The following PLXNA3 variants were observed in gnomAD, a reference collection of about 807,000 sequenced individuals.
The protein encoded by PLXNA3 is plexin A3.
In PLXNA3, 52 loss-of-function variants were observed where a neutral mutation model predicts 118.8. The ratio of observed to expected loss-of-function variants is 0.44; its 90% CI spans 0.35 to 0.55. The LOEUF is 0.55. Ranked by LOEUF, PLXNA3 falls within the 20% of genes least tolerant of loss-of-function variation. The pLI is 0.01. For synonymous variants in PLXNA3, 925 were observed against 762.4 expected (o/e 1.21, Z -3.51); for missense variants, 1,660 against 1,730.8 (o/e 0.96, Z 0.73).
chrX:154,469,819 C>G (rs370041119), intron 28 of PLXNA3, 35 bp downstream of exon 28: 1 of 1,151,658 alleles, frequency 8.7e-7, no homozygotes, highest in South Asian at 1.8e-5. Context: ...ATGTGCCCTT[C>G]GAGGGAACCC....
chrX:154,460,569 T>C lies in PLXNA3; in HGVS notation c.386T>C (p.Phe129Ser), dbSNP rs2068930839. The C allele has an allele frequency of 8.3e-7, 1 of 1,207,043 alleles. No homozygotes were observed. Among genetic ancestry groups the C allele is most frequent in the African/African-American group, 1.7e-5 (1 of 57,422 alleles). The change falls in exon 2 of 33, where the codon TTC becomes TCC. Residue 129 changes from phenylalanine to serine, a missense_variant. Phe to Ser is a radical substitution (Grantham distance 155). Around this residue, in one of 2 missense-constraint regions of PLXNA3, gnomAD observed 791 missense variants for 652.1 expected, o/e 1.21. Coordinates refer to ENST00000369682, the MANE Select transcript of PLXNA3 (RefSeq NM_017514.5). ...ICQFLRLDDLFKLGEPHHRKE... is the reference protein window; with the variant it reads ...ICQFLRLDDLSKLGEPHHRKE... ...CAGTTCCTGCGTCTGGACGACCTCT[T>C]CAAGCTGGGTGAGCCGCACCACCGC...
rs782462351 is a variant in PLXNA3 at position 154,463,698 on chromosome X, C to T, written c.1547+8C>T. 10 of 1,174,621 alleles carry T rather than the reference C, an allele frequency of 8.5e-6. No individual in the cohort carries two copies. The highest frequency in any genetic ancestry group is 1.8e-5 in the South Asian group (1 of 54,399). On this transcript the variant is annotated splice_region_variant and intron_variant, in intron 6 of 32. Coordinates refer to ENST00000369682, the MANE Select transcript of PLXNA3 (RefSeq NM_017514.5). ...GTGTGTGCTGCGACACAGGTGAGGGCGGGGACCCCTGCTCGGGGAGTTGGA... is the reference window on the plus strand; with the variant it reads ...GTGTGTGCTGCGACACAGGTGAGGGTGGGGACCCCTGCTCGGGGAGTTGGA...
rs2068937632 is a variant in PLXNA3, at chrX:154,460,794, TCTC to T, written c.594+18_594+20del. 1 of 1,054,043 alleles carries T rather than the reference TCTC, an allele frequency of 9.5e-7. No individual in the cohort carries two copies. Among genetic ancestry groups the T allele is most frequent in the Non-Finnish European group, 1.3e-6 (1 of 797,535 alleles). The allele number at this position is 1,054,043 out of a possible 1,213,427, so 86.9% of individuals were successfully genotyped here. ...TTCAGTCTCGTGCGTGAGCCTTCCT[TCTC>T]TTCTTCCTCCACCCAGTCCTGGCTC... On this transcript the variant is annotated intron_variant, in intron 2 of 32. Coordinates refer to ENST00000369682, the MANE Select transcript of PLXNA3 (RefSeq NM_017514.5).
chrX:154,462,030 G>T, intron 3 of PLXNA3, 98 bp from the exon 4 acceptor site: 1 of 736,630 alleles, frequency 1.4e-6, no homozygotes, highest in Non-Finnish European at 2.0e-6. Flanking sequence ...AGGGGACCGG[G>T]TTCTAGATCC....
chrX:154,466,594 C>A (rs782757513), intron 16 of PLXNA3, 29 bp from the exon 17 acceptor site: 2 of 1,194,171 alleles, frequency 1.7e-6, no homozygotes, highest in East Asian at 6.0e-5. Context: ...CTGGGCCACC[C>A]GCTCCAAGCA....
rs782615858 is a variant in PLXNA3, at chrX:154,464,309, G to A, written c.1824G>A (p.Gly608=). The change falls in exon 8 of 33, where the codon GGG becomes GGA. Residue 608 remains glycine (G), a synonymous_variant. Transcript: ENST00000369682. ...AGGAGCTCCGAGCTCTTACCAGGGG[G>A]CATGGTCAGTGGGTTGGGGCTGCCC... ...SLQELRALTR[G]HGATRTVRLQ... 5.8e-6 allele frequency: 7 copies of A among 1,207,176 alleles called. No individual in the cohort carries two copies. The highest frequency in any genetic ancestry group is 6.7e-6 in the Non-Finnish European group (6 of 894,232).
In PLXNA3 at chrX:154,471,541, C is replaced by T. The variant is rs1349241842; in HGVS notation, c.5423C>T (p.Ala1808Val). 1.4e-5 allele frequency: 17 copies of T among 1,207,605 alleles called. No homozygotes were observed. The highest frequency in any genetic ancestry group is 3.5e-5 in the South Asian group (2 of 56,802). ...TCCATCAGCGACCAGGACATGGATG[C>T]CTACCTGGTGGAGCAGTCCCGCCTC... Reference protein sequence around the residue: ...MASISDQDMDAYLVEQSRLHA... With the variant: ...MASISDQDMDVYLVEQSRLHA... Residue 1808 changes from alanine to valine, a missense_variant, in exon 32 of 33, where the codon GCC becomes GTC. Around this residue, in one of 2 missense-constraint regions of PLXNA3, gnomAD observed 869 missense variants for 1,078.7 expected, o/e 0.81. Coordinates refer to ENST00000369682, the MANE Select transcript of PLXNA3 (RefSeq NM_017514.5).
chrX:154,460,800 C>T, intron 2 of PLXNA3, 23 bp downstream of exon 2: 3 of 1,028,150 alleles, frequency 2.9e-6, no homozygotes, highest in East Asian at 3.1e-5. Context: ...TCCTTCTCTT[C>T]TTCCTCCACC....
intron 7 of PLXNA3, 28 bp from the exon 8 acceptor site, chrX:154,464,129 C>T: frequency 8.3e-7 from 1 of 1,208,208 alleles, no homozygotes; most frequent in Non-Finnish European, 1.1e-6. Flanking sequence ...GGGAGTCCGC[C>T]CTGCCCTGAG....
Position 154,472,867 on chromosome X carries a change from C to T in PLXNA3, c.*182C>T. 2.4e-6 allele frequency: 1 copy of T among 413,144 alleles called. No homozygotes were observed. Among genetic ancestry groups the T allele is most frequent in the Non-Finnish European group, 4.3e-6 (1 of 229,966 alleles). The allele number at this position is 413,144 out of a possible 1,213,427, so 34.0% of individuals were successfully genotyped here. A position where few individuals can be genotyped will look rare whatever the true frequency, so the allele number is the denominator to read the frequency against. ...CCTTCATTAGTGCCTTGCTTTGGGC[C>T]CTGCAGGGGGAGGGGTGACAGGGCG... is the stretch of plus-strand genomic sequence containing the variant. On this transcript the variant is annotated 3_prime_UTR_variant, in exon 33 of 33. Transcript: ENST00000369682.
chrX:154,460,051 C>T, intron 1 of PLXNA3, 106 bp from the exon 2 acceptor site: 1 of 471,175 alleles, frequency 2.1e-6, no homozygotes, highest in South Asian at 3.1e-5. Flanking sequence ...GGCCCCTCCT[C>T]TCTCCCTGTC....
chrX:154,471,744 C>T (rs1273865974), intron 32 of PLXNA3, 106 bp downstream of exon 32: 2 of 748,505 alleles, frequency 2.7e-6, no homozygotes, highest in South Asian at 2.8e-5. Context: ...GGTCTCTCCC[C>T]TGACCAGGGC....
In PLXNA3 at chrX:154,461,277, T is replaced by A; in HGVS notation, c.773T>A (p.Phe258Tyr). 2.5e-6 allele frequency: 3 copies of A among 1,212,475 alleles called. No homozygotes were observed. The highest frequency in any genetic ancestry group is 1.7e-5 in the African/African-American group (1 of 58,115). The change falls in exon 3 of 33, where the codon TTC becomes TAC. Residue 258 changes from phenylalanine to tyrosine, a missense_variant. Phe to Tyr is a conservative substitution (Grantham distance 22). Transcript: ENST00000369682. ...TTGGACACAGCGGGCGAGAAATTTTTCACGTCCAAGATCGTGCGCATGTGC... is the reference window on the plus strand; with the variant it reads ...TTGGACACAGCGGGCGAGAAATTTTACACGTCCAAGATCGTGCGCATGTGC... ...TLLDTAGEKFFTSKIVRMCAG... is the reference protein window; with the variant it reads ...TLLDTAGEKFYTSKIVRMCAG...
Position 154,460,486 on chromosome X carries a change from C to T in PLXNA3, c.303C>T (p.Leu101=). Residue 101 remains leucine (L), a synonymous_variant, in exon 2 of 33, where the codon CTC becomes CTT. Transcript: ENST00000369682. ...TGGACAACATCAACAAGCTGCTGCT[C>T]ATAGACTATGCGGCCCGCCGCCTGG... The part of the protein sequence containing the change: ...APVDNINKLL[L]IDYAARRLVA... 1 of 1,209,561 alleles carries T rather than the reference C, an allele frequency of 8.3e-7. No homozygotes were observed. Among genetic ancestry groups the T allele is most frequent in the Non-Finnish European group, 1.1e-6 (1 of 894,338 alleles).
rs1557209903 is a variant in PLXNA3, at chrX:154,472,699, G to T, written c.*14G>T. The T allele has an allele frequency of 8.9e-7, 1 of 1,118,201 alleles. No individual in the cohort carries two copies. Among genetic ancestry groups the T allele is most frequent in the Non-Finnish European group, 1.2e-6 (1 of 810,191 alleles). 92.2% of individuals were successfully genotyped at this position (1,118,201 alleles called of 1,213,427 possible). On this transcript the variant is annotated 3_prime_UTR_variant, in exon 33 of 33. Transcript: ENST00000369682. ...AGCGACAGCTAAGGTGGTGGAATCG[G>T]TGAGGAGGGGGCTTCTCAGTCCTGT...
In PLXNA3 at chrX:154,463,435, C is replaced by G; in HGVS notation, c.1362C>G (p.Val454=). The G allele has an allele frequency of 8.3e-7, 1 of 1,209,595 alleles. No individual in the cohort carries two copies. Among genetic ancestry groups the G allele is most frequent in the South Asian group, 1.8e-5 (1 of 56,874 alleles). ...GFQDAHLYET[V]PVVDGSPILR... ...AGGATGCCCACCTGTATGAGACAGTCCCCGTGGTGGATGGCAGCCCCATCC... is the reference window on the plus strand; with the variant it reads ...AGGATGCCCACCTGTATGAGACAGTGCCCGTGGTGGATGGCAGCCCCATCC... The change falls in exon 5 of 33, where the codon GTC becomes GTG. Residue 454 remains valine (V), a synonymous_variant. Transcript: ENST00000369682.
intron 2 of PLXNA3, 21 bp from the exon 3 acceptor site, chrX:154,461,078 T>C: frequency 8.5e-7 from 1 of 1,173,175 alleles, no homozygotes; most frequent in South Asian, 1.9e-5. Flanking sequence ...CCGGATGCTG[T>C]CTCCTCCCCC....
intron 31 of PLXNA3, 32 bp from the exon 32 acceptor site, chrX:154,471,456 T>A: frequency 2.5e-6 from 3 of 1,182,851 alleles, no homozygotes; most frequent in Non-Finnish European, 3.4e-6. Context: ...TTTTGTGATG[T>A]CGCCTGAGTG....
At chrX:154,464,922 C>G (rs2069052038) in intron 10 of PLXNA3, 54 bp downstream of exon 10, 6 of 1,086,969 alleles carry the variant, frequency 5.5e-6, no homozygotes, top group Non-Finnish European at 2.5e-6. Flanking sequence ...GGCGGGGCCA[C>G]CGGCTTCTAT....
Sources: allele counts gnomAD v4.1 joint callset, GRCh38; gene constraint gnomAD v4.1.1; regional missense constraint gnomAD v4.1.1; transcripts MANE v1.5; gene names NCBI Gene and HGNC (gene_info 2026-07-23, HGNC 2026-07-21).